The following PLCH2 variants were observed in gnomAD, a reference collection of about 807,000 sequenced individuals.
PLCH2 encodes phospholipase C eta 2, also known as 1-phosphatidylinositol 4,5-bisphosphate phosphodiesterase eta-2.
Under a neutral mutation model 134.7 loss-of-function variants are expected in PLCH2, and 98 were observed. The observed-to-expected ratio is 0.73, with a 90% CI of 0.62 to 0.86. PLCH2 has a LOEUF of 0.86. Ranked by LOEUF, PLCH2 falls within the 40% of genes least tolerant of loss-of-function variation. The probability of loss-of-function intolerance (pLI) is 0.00; values close to 1 mark genes in which losing one functional copy is unlikely to be tolerated. For missense variants in PLCH2, 1,994 were observed against 1,986.6 expected (o/e 1.00, Z -0.07); for synonymous variants, 974 against 827.5 (o/e 1.18, Z -3.04).
At chr1:2,493,345 C>A (rs1642699037) in intron 11 of PLCH2, 1 of 152,248 alleles carries the variant, frequency 6.6e-6, no homozygotes, top group African/African-American at 2.4e-5. Flanking sequence ...CCCCGACCGG[C>A]TCCAGGCGCA....
intron 1 of PLCH2, among the ~76,000 whole-genome samples, chr1:2,470,131 G>C (rs1484704749): frequency 2.0e-5 from 3 of 152,172 alleles, no homozygotes; most frequent in Non-Finnish European, 2.9e-5. Flanking sequence ...CAGACCTGGC[G>C]ACCCAGGAAC....
intron 2 of PLCH2, among the ~76,000 whole-genome samples, chr1:2,478,895 G>C (rs1641792343): frequency 6.6e-6 from 1 of 152,138 alleles, no homozygotes; most frequent in Non-Finnish European, 1.5e-5. Flanking sequence ...CTGGAAGGAG[G>C]GGCACAGCAT....
chr1:2,418,074 C>A, the PLCH2 span, among the ~76,000 whole-genome samples: 2 of 152,226 alleles, frequency 1.3e-5, no homozygotes, highest in African/African-American at 4.8e-5. Context: ...ACTCAGGAAC[C>A]TGCAGGAGCT....
rs764934413 is a variant in PLCH2, at chr1:2,487,297, C to G, written c.1035C>G (p.Leu345=). 5.0e-6 allele frequency: 8 copies of G among 1,613,536 alleles called. No individual in the cohort carries two copies. The highest frequency in any genetic ancestry group is 6.8e-6 in the Non-Finnish European group (8 of 1,179,742). Residue 345 remains leucine (L), a synonymous_variant, in exon 7 of 22, where the codon CTC becomes CTG. Coordinates refer to ENST00000378486, the MANE Select transcript of PLCH2 (RefSeq NM_014638.4). ...TCACCTCGTCCCACAACACCTACCT[C>G]GTGGGTGACCAGCTCATGTCCCAGT... ...YFITSSHNTY[L]VGDQLMSQSR...
intron 2 of PLCH2, among the ~76,000 whole-genome samples, chr1:2,437,343 C>T (rs571077934): frequency 6.6e-6 from 1 of 152,290 alleles, no homozygotes; most frequent in East Asian, 1.9e-4. Flanking sequence ...AGCTCCTACT[C>T]CTGTCCAAGA....
intron 2 of PLCH2, among the ~76,000 whole-genome samples, chr1:2,433,679 G>C (rs781594435): frequency 1.3e-5 from 2 of 152,102 alleles, no homozygotes; most frequent in Non-Finnish European, 2.9e-5. Flanking sequence ...TTTTTTCCCT[G>C]ATCATGAAAG....
At chr1:2,458,049 C>A (rs1325768855) in intron 2 of PLCH2, among the ~76,000 whole-genome samples, 1 of 152,140 alleles carries the variant, frequency 6.6e-6, no homozygotes, top group African/African-American at 2.4e-5. Flanking sequence ...TGCATCCCTG[C>A]AGGGCTGACT....
intron 20 of PLCH2, chr1:2,500,889 G>A (rs1240062083): frequency 1.6e-5 from 2 of 128,972 alleles, no homozygotes. Flanking sequence ...CTTCCCTGGC[G>A]GGCAGCCCGC....
chr1:2,496,558 C>T, intron 13 of PLCH2, 49 bp from the exon 14 acceptor site: 1 of 1,496,742 alleles, frequency 6.7e-7, no homozygotes, highest in South Asian at 1.2e-5. Context: ...AGCTGGGTGC[C>T]AGGCTGGCCC....
Position 2,498,716 on chromosome 1 carries a change from T to TGATGCCACCCCCACTCCTGTGTCCCA in PLCH2, c.2350-24_2351dup. 1 of 1,587,730 alleles carries TGATGCCACCCCCACTCCTGTGTCCCA rather than the reference T, an allele frequency of 6.3e-7. No individual in the cohort carries two copies. The highest frequency in any genetic ancestry group is 2.3e-5 in the East Asian group (1 of 43,926). On this transcript the variant is annotated intron_variant, in intron 17 of 21. Transcript: ENST00000378486. The surrounding 1 kb of genome is among the most constrained non-coding windows in gnomAD (Gnocchi z 5.4). ...GCGGGCCGGGCATCGCGATGGGCCCTGATGCCACCCCCACTCCTGTGTCCC... is the reference window on the plus strand; with the variant it reads ...GCGGGCCGGGCATCGCGATGGGCCCTGATGCCACCCCCACTCCTGTGTCCCAGATGCCACCCCCACTCCTGTGTCCC...
At chr1:2,457,271 G>A (rs575128199) in intron 2 of PLCH2, among the ~76,000 whole-genome samples, 5 of 152,176 alleles carry the variant, frequency 3.3e-5, no homozygotes, top group African/African-American at 7.2e-5. Context: ...GGGCTGGCCC[G>A]CCCTCCACTC....
In PLCH2 at chr1:2,494,596, C is replaced by T. The variant is rs757005264; in HGVS notation, c.1660-260C>T. The T allele has an allele frequency of 1.1e-3, 655 of 575,792 alleles. 3 individuals are homozygous for T. The highest frequency in any genetic ancestry group is 9.7e-3 in the Middle Eastern group (21 of 2,154). The allele number at this position is 575,792 out of a possible 1,614,324, so 35.7% of individuals were successfully genotyped here. ...TGAGAGACGCTGAGGCAGGTGTGAG[C>T]GAATGTTTCCACCGGGGCCTGACTT... On this transcript the variant is annotated intron_variant, in intron 11 of 21. Coordinates refer to ENST00000378486, the MANE Select transcript of PLCH2 (RefSeq NM_014638.4).
rs1639545507 is a variant in PLCH2, at chr1:2,438,640, G to T, written c.115+8011G>T. Among the ~76,000 whole-genome samples, 5 of 152,178 alleles carry T rather than the reference G, an allele frequency of 3.3e-5. No homozygotes were observed. In the South Asian group the frequency reaches 1.0e-3, roughly 32 times the overall value. On this transcript the variant is annotated intron_variant, in intron 2 of 3. Coordinates refer to the PLCH2 transcript ENST00000609981. ...GATTGCCCAAGAGAGAGCACCCCCGGCCACTGCGGCTAGGGCAGGTGAAGG... is the reference window on the plus strand; with the variant it reads ...GATTGCCCAAGAGAGAGCACCCCCGTCCACTGCGGCTAGGGCAGGTGAAGG...
At chr1:2,476,832 T>A in intron 1 of PLCH2, 120 bp downstream of exon 1, 1 of 1,046,208 alleles carries the variant, frequency 9.6e-7, no homozygotes, top group Non-Finnish European at 1.3e-6. Context: ...TGCACTCGCC[T>A]CCCCTGTCCC....
At chr1:2,423,761 C>T (rs192095726), upstream of PLCH2, among the ~76,000 whole-genome samples, 3 of 152,266 alleles carry the variant, frequency 2.0e-5, no homozygotes, top group East Asian at 5.8e-4. Flanking sequence ...CAACCTTTTA[C>T]AATGTTTAAG....
chr1:2,490,998 C>A (rs1642544587), intron 10 of PLCH2, among the ~76,000 whole-genome samples, 194 bp from the exon 11 acceptor site: 1 of 152,266 alleles, frequency 6.6e-6, no homozygotes, highest in Non-Finnish European at 1.5e-5. Context: ...GGCCGCTGGG[C>A]AGACTCGTGC....
chr1:2,427,290 C>G (rs1452960080), intron 1 of PLCH2, among the ~76,000 whole-genome samples: 1 of 152,044 alleles, frequency 6.6e-6, no homozygotes, highest in African/African-American at 2.4e-5. Flanking sequence ...CAGGCTGTCC[C>G]CTCACCCTCT....
In PLCH2 at chr1:2,502,245, C is replaced by T; in HGVS notation, c.2795C>T (p.Ala932Val). 2 of 1,541,586 alleles carry T rather than the reference C, an allele frequency of 1.3e-6. No individual in the cohort carries two copies. Among genetic ancestry groups the T allele is most frequent in the Non-Finnish European group, 1.7e-6 (2 of 1,145,026 alleles). Residue 932 changes from alanine to valine, a missense_variant, in exon 21 of 22, where the codon GCC (alanine) becomes GTC (valine). Physicochemically the swap from Ala to Val is moderately conservative, Grantham distance 64. Transcript: ENST00000378486. ...CGGATCCTGCGGCGCACGGCCAGCG[C>T]CCCGACCAAGAGCCAGAAGCCGGGC... is the stretch of plus-strand genomic sequence containing the variant. ...SQRILRRTAS[A>V]PTKSQKPGRR... is the part of the protein sequence containing the mutation.
chr1:2,418,050 G>A, the PLCH2 span, among the ~76,000 whole-genome samples: 1 of 152,168 alleles, frequency 6.6e-6, no homozygotes, highest in Non-Finnish European at 1.5e-5. Flanking sequence ...GCCCCCAAAC[G>A]CGAACACGCA....
Sources: allele counts gnomAD v4.1 joint callset (sites outside exome capture counted in the v4.1 genomes callset), GRCh38; gene constraint gnomAD v4.1.1; non-coding constraint Gnocchi (gnomAD v3.1); transcripts MANE v1.5; gene names NCBI Gene and HGNC (gene_info 2026-07-23, HGNC 2026-07-21).